Variants in TMEM255A observed in about 807,000 individuals in gnomAD.
TMEM255A encodes the protein family with sequence similarity 70, member A.
TMEM255A carries 14 observed loss-of-function variants against 23.5 expected under a neutral mutation model. The ratio of observed to expected loss-of-function variants is 0.60; its 90% CI spans 0.39 to 0.93. TMEM255A has a LOEUF of 0.93. TMEM255A is among the 40% of genes least tolerant of loss of function. The pLI, the probability that TMEM255A is intolerant of heterozygous loss-of-function variation, is 0.00. For missense variants in TMEM255A, 233 were observed against 261.7 expected (o/e 0.89, Z 0.76); for synonymous variants, 104 against 100.3 (o/e 1.04, Z -0.22).
At chrX:120,284,538 A>G (rs985531717) in intron 6 of TMEM255A, among the ~76,000 whole-genome samples, 6 of 106,784 alleles carry the variant, frequency 5.6e-5, no homozygotes, top group Admixed American at 2.9e-4. Context: ...ACGTGCACGC[A>G]CACACACACA....
At chrX:120,299,470 C>T (rs2058019918) in intron 2 of TMEM255A, among the ~76,000 whole-genome samples, 1 of 110,693 alleles carries the variant, frequency 9.0e-6, no homozygotes, top group African/African-American at 3.3e-5. Context: ...TGCACCACCA[C>T]ACCTGGCTAA....
chrX:120,257,635 C>G (rs1354930446), downstream of TMEM255A: 1 of 123,116 alleles, frequency 8.1e-6, no homozygotes, highest in African/African-American at 3.2e-5. Context: ...AGGAGAGAAA[C>G]TGGAAAATTA....
At chrX:120,272,971 A>G (rs2057772668) in intron 7 of TMEM255A, among the ~76,000 whole-genome samples, 1 of 110,641 alleles carries the variant, frequency 9.0e-6, no homozygotes, top group Non-Finnish European at 1.9e-5. Context: ...CAAACTCCTG[A>G]CCTCGTGATC....
chrX:120,261,678 G>A (rs1411982189), intron 8 of TMEM255A, among the ~76,000 whole-genome samples: 1 of 112,330 alleles, frequency 8.9e-6, no homozygotes, highest in Non-Finnish European at 1.9e-5. Flanking sequence ...AGGTGAGAAT[G>A]AGGAGCAATA....
chrX:120,303,071 A>T (rs1363149431), intron 2 of TMEM255A, among the ~76,000 whole-genome samples: 1 of 111,683 alleles, frequency 9.0e-6, no homozygotes, highest in African/African-American at 3.3e-5. Flanking sequence ...TTAAAATATG[A>T]TCTCACCTCT....
chrX:120,262,340 G>C (rs2057686144), intron 8 of TMEM255A, among the ~76,000 whole-genome samples: 1 of 111,518 alleles, frequency 9.0e-6, no homozygotes, highest in African/African-American at 3.3e-5. Context: ...TCTAAGCCTT[G>C]CTTGAGACAC....
At chrX:120,255,478 A>G (rs782691586), downstream of TMEM255A, 4 of 1,030,195 alleles carry the variant, frequency 3.9e-6, no homozygotes, top group African/African-American at 5.7e-5. Flanking sequence ...ATGATGGGGC[A>G]GGGGTTTCAG....
At chrX:120,276,134 CAA>C (rs1220344983) in intron 7 of TMEM255A, among the ~76,000 whole-genome samples, 1 of 110,550 alleles carries the variant, frequency 9.0e-6, no homozygotes, top group Non-Finnish European at 1.9e-5. Context: ...AACCATAACT[CAA>C]AGCTATTATC....
chrX:120,296,983 A>ATATATATATTATATATAATATATAATAT (rs2057988770), intron 2 of TMEM255A, among the ~76,000 whole-genome samples: 1 of 2,640 alleles, frequency 3.8e-4, no homozygotes, highest in Non-Finnish European at 5.1e-4. Flanking sequence ...TATATATATT[A>ATATATATATTATATATAATATATAATAT]TATATATATT....
intron 2 of TMEM255A, among the ~76,000 whole-genome samples, chrX:120,302,625 C>T (rs1018772593): frequency 5.4e-5 from 6 of 110,465 alleles, no homozygotes; most frequent in Non-Finnish European, 9.5e-5. Context: ...TAACACAGGG[C>T]ACCAAACAGT....
chrX:120,259,769 C>T lies in TMEM255A; in HGVS notation c.*1101G>A, dbSNP rs2057664266. ...ACGGTGTGCCAGATGGATTTTAAAT[C>T]TGCCGTAACACTTAAATATTTGTCA... On this transcript the variant is annotated 3_prime_UTR_variant, in exon 9 of 9. Coordinates refer to ENST00000371369, the MANE Select transcript of TMEM255A (RefSeq NM_001104544.3). 1 of 111,644 alleles carries T rather than the reference C, an allele frequency of 9.0e-6. No individual in the cohort carries two copies. Among genetic ancestry groups the T allele is most frequent in the East Asian group, 2.8e-4 (1 of 3,575 alleles). The allele number at this position is 111,644 out of a possible 1,213,427, so 9.2% of individuals were successfully genotyped here.
At position 120,309,463 on chromosome X, in the gene TMEM255A, C is replaced by T. The variant is rs967085987; in HGVS notation, c.58+1789G>A. On this transcript the variant is annotated intron_variant, in intron 1 of 8. Transcript: ENST00000371369. The stretch of plus-strand genomic sequence containing the variant: ...TTTAAGCCCTGGGCCACCAACCAGC[C>T]CACTCCCCGAAGGCAGACGGGCCCG... 7.1e-5 allele frequency among the ~76,000 whole-genome samples: 8 copies of T among 113,066 alleles called. No individual in the cohort carries two copies. In the Admixed American group the frequency reaches 7.4e-4, roughly 10 times the overall value.
Position 120,293,854 on chromosome X carries a change from G to A in TMEM255A, c.264+135C>T, listed in dbSNP as rs1603402896. The A allele has an allele frequency of 1.6e-5, 7 of 431,272 alleles. No homozygotes were observed. In the East Asian group the frequency reaches 3.7e-4, roughly 23 times the overall value. The allele number at this position is 431,272 out of a possible 1,213,427, so 35.5% of individuals were successfully genotyped here. ...GTCACAGTAAAACACATTCCCTAGA[G>A]GTTTAGGAGAAACGGCAAAGTAGCA... On this transcript the variant is annotated intron_variant, in intron 3 of 8. Coordinates refer to ENST00000371369, the MANE Select transcript of TMEM255A (RefSeq NM_001104544.3).
intron 8 of TMEM255A, among the ~76,000 whole-genome samples, chrX:120,265,156 G>T (rs1056245877): frequency 8.9e-6 from 1 of 112,113 alleles, no homozygotes; most frequent in Non-Finnish European, 1.9e-5. Flanking sequence ...GATTACAGGC[G>T]TGAGCCACCG....
chrX:120,295,512 C>T (rs781994062), intron 2 of TMEM255A, among the ~76,000 whole-genome samples: 39 of 111,985 alleles, frequency 3.5e-4, no homozygotes, highest in African/African-American at 9.4e-4. Flanking sequence ...ACAGATGCTG[C>T]AGTGCATGAG....
the TMEM255A span, among the ~76,000 whole-genome samples, chrX:120,252,280 A>G: frequency 9.0e-6 from 1 of 111,300 alleles, no homozygotes; most frequent in Non-Finnish European, 1.9e-5. Context: ...CACTAAAAGT[A>G]CTTGTCAACT....
At chrX:120,286,026 T>C in intron 5 of TMEM255A, 2 of 681,035 alleles carry the variant, frequency 2.9e-6, no homozygotes, top group Non-Finnish European at 4.2e-6. Context: ...TTCATCCAAA[T>C]GCTTACTGCC....
chrX:120,273,112 C>A (rs185362642), intron 7 of TMEM255A: 17 of 154,252 alleles, frequency 1.1e-4, no homozygotes, highest in South Asian at 1.6e-4. Flanking sequence ...TCAGCCCTCA[C>A]AAGTCCACAG....
At chrX:120,257,529 G>A (rs781968682), downstream of TMEM255A, 1 of 123,009 alleles carries the variant, frequency 8.1e-6, no homozygotes, top group Non-Finnish European at 1.9e-5. Flanking sequence ...TGAATAATAG[G>A]TATGTAATTA....
Sources: allele counts gnomAD v4.1 joint callset (sites outside exome capture counted in the v4.1 genomes callset), GRCh38; gene constraint gnomAD v4.1.1; transcripts MANE v1.5; gene names NCBI Gene and HGNC (gene_info 2026-07-23, HGNC 2026-07-21).